CTTNBP2: variants seen among roughly 807,000 people sequenced by gnomAD.
CTTNBP2 encodes cortactin binding protein 2.
CTTNBP2 carries 108 observed loss-of-function variants against 156.9 expected under a neutral mutation model. The ratio of observed to expected loss-of-function variants is 0.69; its 90% CI spans 0.59 to 0.81. The LOEUF is 0.81. Ranked by LOEUF, CTTNBP2 falls within the 30% of genes least tolerant of loss-of-function variation. The pLI is 0.00. For synonymous variants in CTTNBP2, 767 were observed against 751.8 expected, an observed-to-expected ratio of 1.02 and a Z score of -0.33; for missense variants, 1,924 against 2,035.4, an observed-to-expected ratio of 0.95 and a Z score of 1.05.
At chr7:117,717,077 C>A (rs956013259) in intron 22 of CTTNBP2, among the ~76,000 whole-genome samples, 6 of 152,236 alleles carry the variant, frequency 3.9e-5, no homozygotes, top group African/African-American at 1.4e-4. Flanking sequence ...AGTCTGCATC[C>A]TCACAACTAA....
intron 12 of CTTNBP2, among the ~76,000 whole-genome samples, chr7:117,749,216 G>A (rs1052288341): frequency 5.9e-5 from 9 of 152,110 alleles, no homozygotes; most frequent in South Asian, 2.1e-4. Flanking sequence ...GTTATTATTC[G>A]TTTATGTACT....
At chr7:117,873,209 G>T in intron 1 of CTTNBP2, 126 bp downstream of exon 1, 1 of 693,456 alleles carries the variant, frequency 1.4e-6, no homozygotes, top group Non-Finnish European at 2.0e-6. Context: ...CCCGATGAAG[G>T]GGCACCGGAG....
chr7:117,818,979 T>C (rs1053398385), intron 2 of CTTNBP2, among the ~76,000 whole-genome samples: 3 of 152,100 alleles, frequency 2.0e-5, no homozygotes, highest in African/African-American at 2.4e-5. Context: ...ATGACAGAAA[T>C]GTAACTCAGG....
intron 2 of CTTNBP2, among the ~76,000 whole-genome samples, chr7:117,823,084 C>T (rs1421512159): frequency 6.6e-6 from 1 of 152,178 alleles, no homozygotes; most frequent in Non-Finnish European, 1.5e-5. Flanking sequence ...ATCTCTTTAA[C>T]ACTGGCCCTG....
Position 117,810,994 on chromosome 7 carries a change from A to G in CTTNBP2, c.190-5T>C. ...AAATACCTCCTTCCTGCGAGCCTGGAACAAAATTAGAGAAATGTATTGAAG... is the reference window on the plus strand; with the variant it reads ...AAATACCTCCTTCCTGCGAGCCTGGGACAAAATTAGAGAAATGTATTGAAG... On this transcript the variant is annotated splice_region_variant and splice_polypyrimidine_tract_variant and intron_variant, in intron 2 of 22. Transcript: ENST00000160373. 2 of 1,600,506 alleles carry G rather than the reference A, an allele frequency of 1.2e-6. No individual in the cohort carries two copies. The highest frequency in any genetic ancestry group is 1.7e-6 in the Non-Finnish European group (2 of 1,168,624).
chr7:117,726,553 C>T (rs1395605454), intron 17 of CTTNBP2, among the ~76,000 whole-genome samples: 1 of 152,190 alleles, frequency 6.6e-6, no homozygotes, highest in African/African-American at 2.4e-5. Context: ...TTCTGCACAT[C>T]TGGTGTCAGG....
chr7:117,858,187 A>G (rs1425133000), intron 2 of CTTNBP2, among the ~76,000 whole-genome samples: 8 of 152,134 alleles, frequency 5.3e-5, no homozygotes, highest in Admixed American at 3.3e-4. Context: ...TGGCTAACAC[A>G]GTGAAACCCT....
At chr7:117,786,423 T>C in intron 4 of CTTNBP2, 1 of 433,110 alleles carries the variant, frequency 2.3e-6, no homozygotes, top group Non-Finnish European at 4.7e-6. Flanking sequence ...CCTTTTGTAT[T>C]TTCTTAAAAA....
At chr7:117,717,941 C>CACACTGAAAGATGATTT in intron 22 of CTTNBP2, 77 bp downstream of exon 22, 2 of 898,796 alleles carry the variant, frequency 2.2e-6, no homozygotes, top group East Asian at 4.9e-5. Context: ...CTCTGTGATT[C>CACACTGAAAGATGATTT]ACACTGAAAG....
intron 1 of CTTNBP2, among the ~76,000 whole-genome samples, chr7:117,869,574 C>T (rs1447347194): frequency 2.0e-5 from 3 of 152,108 alleles, no homozygotes; most frequent in African/African-American, 7.2e-5. Flanking sequence ...GTCTAAGTAC[C>T]AAGGCTGTGA....
intron 6 of CTTNBP2, among the ~76,000 whole-genome samples, chr7:117,781,560 G>A (rs1798435491): frequency 6.6e-6 from 1 of 152,166 alleles, no homozygotes; most frequent in Admixed American, 6.5e-5. Context: ...CCAACACGGT[G>A]AAACCCGTCT....
At position 117,821,702 on chromosome 7, in the gene CTTNBP2, A is replaced by C. The variant is rs575960018; in HGVS notation, c.190-10713T>G. 4.7e-5 allele frequency among the ~76,000 whole-genome samples: 7 copies of C among 150,190 alleles called. No individual in the cohort carries two copies. The East Asian group carries it at 1.4e-3, about 30-fold the overall frequency. ...CTCCCAGGTTCAAGCCATTCTCCTG[A>C]CTCAGCCTCCCGAGTAGCTGGGACT... is the stretch of plus-strand genomic sequence containing the variant. On this transcript the variant is annotated intron_variant, in intron 2 of 22. Coordinates refer to ENST00000160373, the MANE Select transcript of CTTNBP2 (RefSeq NM_033427.3).
chr7:117,804,509 C>T (rs1563024296), intron 3 of CTTNBP2, among the ~76,000 whole-genome samples: 1 of 152,082 alleles, frequency 6.6e-6, no homozygotes, highest in African/African-American at 2.4e-5. Flanking sequence ...AGCAAAGACA[C>T]AGAATCAACC....
In CTTNBP2 at chr7:117,734,948, G is replaced by A. The variant is rs1795598991; in HGVS notation, c.3841C>T (p.Leu1281=). The stretch of plus-strand genomic sequence containing the variant: ...ACTTTCCTTCGTAAGAACCTCTGCA[G>A]CAGTCCTTGCATGGGCTCGCCATCC... The part of the protein sequence containing the change: ...RWDGEPMQGL[L]QRFLRRKVVN... The change falls in exon 16 of 23, where the codon CTG becomes TTG. Residue 1281 remains leucine (L), a synonymous_variant. Transcript: ENST00000160373. The A allele has an allele frequency of 3.7e-6, 6 of 1,611,272 alleles. No homozygotes were observed. In the African/African-American group the frequency reaches 5.3e-5, roughly 14 times the overall value.
chr7:117,817,103 C>T (rs912368925), intron 2 of CTTNBP2, among the ~76,000 whole-genome samples: 2 of 150,892 alleles, frequency 1.3e-5, no homozygotes, highest in Admixed American at 6.6e-5. Context: ...TTTGGGAGGT[C>T]GAGATGGGCA....
intron 22 of CTTNBP2, among the ~76,000 whole-genome samples, chr7:117,714,501 T>C (rs2116322141): frequency 6.6e-6 from 1 of 152,254 alleles, no homozygotes; most frequent in Non-Finnish European, 1.5e-5. Flanking sequence ...TTGCCATTAT[T>C]GTCAAATCTA....
intron 2 of CTTNBP2, among the ~76,000 whole-genome samples, chr7:117,817,442 G>A (rs1800688534): frequency 7.0e-6 from 1 of 143,172 alleles, no homozygotes; most frequent in African/African-American, 2.6e-5. Flanking sequence ...TCGTAAGCAG[G>A]AAGTTGAAAG....
rs181490683 is a variant in CTTNBP2, at chr7:117,732,713, G to T, written c.3876+2200C>A. On this transcript the variant is annotated intron_variant, in intron 16 of 22. Coordinates refer to ENST00000160373, the MANE Select transcript of CTTNBP2 (RefSeq NM_033427.3). Reference sequence around the variant, plus strand: ...TAACTTTGTATTTTACAAGAAAGAAGATTCACATAAATCTTTGCTGTACCA... The same window carrying T: ...TAACTTTGTATTTTACAAGAAAGAATATTCACATAAATCTTTGCTGTACCA... 9.7e-4 allele frequency among the ~76,000 whole-genome samples: 141 copies of T among 146,054 alleles called. 1 individual carries two copies. The highest frequency in any genetic ancestry group is 3.8e-3 in the Middle Eastern group (1 of 266).
intron 16 of CTTNBP2, among the ~76,000 whole-genome samples, chr7:117,733,628 CATA>C (rs1795522461): frequency 1.3e-5 from 2 of 152,146 alleles, no homozygotes; most frequent in South Asian, 4.1e-4. Flanking sequence ...TGGCCAAAAG[CATA>C]ATATTTATGA....
Sources: gnomAD v4.1 joint callset for allele counts (sites outside exome capture counted in the v4.1 genomes callset) on GRCh38, gnomAD v4.1.1 for gene constraint, MANE v1.5 for transcripts, NCBI Gene and HGNC (gene_info 2026-07-23, HGNC 2026-07-21) for gene names.